The following COL4A6 variants were observed in gnomAD, a reference collection of about 807,000 sequenced individuals.
COL4A6 encodes collagen alpha-6(IV) chain.
A neutral mutation model predicts 126.7 loss-of-function variants in COL4A6; 59 were observed. The observed-to-expected ratio is 0.47, with a 90% CI of 0.38 to 0.58. The LOEUF (loss-of-function observed/expected upper bound fraction) is 0.58. COL4A6 is among the 20% of genes least tolerant of loss of function. The pLI is 0.00. For synonymous variants in COL4A6, 547 were observed against 496.6 expected (o/e 1.10, Z -1.35); for missense variants, 1,285 against 1,337.3 (o/e 0.96, Z 0.61).
In COL4A6 at chrX:108,199,000, T is replaced by C. The variant is rs147344603; in HGVS notation, c.835-2421A>G. On this transcript the variant is annotated intron_variant, in intron 13 of 44. Transcript: ENST00000334504. ...GACCTCCATGGAAGGACCTGTGGCC[T>C]ACAAGTGTGAGTGTGTTGCTGGAGA... Among the ~76,000 whole-genome samples, 411 of 111,343 alleles carry C rather than the reference T, an allele frequency of 3.7e-3. 2 individuals are homozygous for C. The highest frequency in any genetic ancestry group is 0.013 in the African/African-American group (395 of 30,579).
At position 108,438,249 on chromosome X, in the gene COL4A6, G is replaced by A. The variant is rs2064310167; in HGVS notation, c.-53C>T. ...CGGGAGACTGCTAAGCGGCTCCGCG[G>A]CCCGTGCTCATCTGGGCTCTGCTGA... On this transcript the variant is annotated 5_prime_UTR_variant, in exon 1 of 45. Coordinates refer to ENST00000334504, the MANE Select transcript of COL4A6 (RefSeq NM_033641.4). 1 of 1,161,100 alleles carries A rather than the reference G, an allele frequency of 8.6e-7. No individual in the cohort carries two copies. The highest frequency in any genetic ancestry group is 3.0e-5 in the East Asian group (1 of 33,439).
intron 2 of COL4A6, among the ~76,000 whole-genome samples, chrX:108,334,990 T>TA (rs2039396559): frequency 8.9e-6 from 1 of 112,225 alleles, no homozygotes; most frequent in Non-Finnish European, 1.9e-5. Context: ...TAGAAAAATG[T>TA]AACTACCAAC....
chrX:108,175,393 C>T (rs55891745), intron 29 of COL4A6, among the ~76,000 whole-genome samples, 178 bp from the exon 30 acceptor site: 61 of 111,549 alleles, frequency 5.5e-4, no homozygotes, highest in Admixed American at 8.6e-4. Flanking sequence ...TCTACAAATC[C>T]CAAGTCTATC....
chrX:108,335,730 T>C (rs1043758554), intron 2 of COL4A6, among the ~76,000 whole-genome samples: 1 of 111,133 alleles, frequency 9.0e-6, no homozygotes, highest in Non-Finnish European at 1.9e-5. Context: ...TCCAGAGCTC[T>C]ACAAGGTGGG....
chrX:108,251,124 CG>C (rs1200729798), intron 3 of COL4A6, among the ~76,000 whole-genome samples: 1 of 111,237 alleles, frequency 9.0e-6, no homozygotes, highest in African/African-American at 3.3e-5. Flanking sequence ...ATTCCACATG[CG>C]GACTGAGGCA....
intron 2 of COL4A6, among the ~76,000 whole-genome samples, chrX:108,311,490 C>A (rs2038758236): frequency 9.0e-6 from 1 of 111,044 alleles, no homozygotes; most frequent in Admixed American, 9.6e-5. Context: ...TGCTGATCCT[C>A]ACCAACCTCA....
At chrX:108,388,261 C>T (rs908382242) in intron 2 of COL4A6, among the ~76,000 whole-genome samples, 2 of 111,972 alleles carry the variant, frequency 1.8e-5, no homozygotes, top group African/African-American at 3.2e-5. Flanking sequence ...CCCTCTTTTT[C>T]TATTCTTTGG....
Position 108,164,638 on chromosome X carries a change from G to A in COL4A6, c.4031C>T (p.Pro1344Leu). The A allele has an allele frequency of 1.7e-6, 2 of 1,211,644 alleles. No homozygotes were observed. The highest frequency in any genetic ancestry group is 4.3e-5 in the Admixed American group (2 of 46,054). Residue 1344 changes from proline (P) to leucine (L), a missense_variant, in exon 40 of 45, where the codon CCA (proline) becomes CTA (leucine). Physicochemically the swap from Pro to Leu is moderately conservative, Grantham distance 98 (BLOSUM62 -3). Transcript: ENST00000334504. The stretch of plus-strand genomic sequence containing the variant: ...CTTCCCCTTCATTCCGGGAAATCCT[G>A]GGTCTCCAGGTGGCCCAACCTTGCC... ...TPGKVGPPGD[P>L]GFPGMKGKAG... is the part of the protein sequence containing the mutation.
At chrX:108,353,456 T>C (rs1362793932) in intron 2 of COL4A6, among the ~76,000 whole-genome samples, 1 of 112,221 alleles carries the variant, frequency 8.9e-6, no homozygotes, top group Non-Finnish European at 1.9e-5. Context: ...AGGCTTTGTA[T>C]TAAGCCTCAG....
intron 3 of COL4A6, among the ~76,000 whole-genome samples, chrX:108,277,632 G>A (rs752470179): frequency 2.7e-5 from 3 of 112,125 alleles, no homozygotes; most frequent in African/African-American, 9.7e-5. Flanking sequence ...GCTTTGAAGA[G>A]AGCAGTGGTT....
rs111391001 is a variant in COL4A6 at position 108,204,691 on chromosome X, T to C, written c.688-279A>G. 6.1e-4 allele frequency: 229 copies of C among 377,548 alleles called. 3 individuals carry two copies. The highest frequency in any genetic ancestry group is 4.2e-3 in the African/African-American group (166 of 39,070). The allele number at this position is 377,548 out of a possible 1,213,427, so 31.1% of individuals were successfully genotyped here. A position where few individuals can be genotyped will look rare whatever the true frequency, so the allele number is the denominator to read the frequency against. On this transcript the variant is annotated intron_variant, in intron 11 of 44. Coordinates refer to ENST00000334504, the MANE Select transcript of COL4A6 (RefSeq NM_033641.4). ...GCTATGAAAGGATGTTTAGAAGAGA[T>C]TAAAAAAGGAATCAGAACGAGGTGA...
chrX:108,212,670 T>C (rs1233702743), intron 6 of COL4A6, among the ~76,000 whole-genome samples: 1 of 111,048 alleles, frequency 9.0e-6, no homozygotes, highest in Non-Finnish European at 1.9e-5. Flanking sequence ...TCACTTTTTT[T>C]CCTAACACTG....
chrX:108,321,099 G>A (rs563113852), intron 2 of COL4A6, among the ~76,000 whole-genome samples: 1 of 111,861 alleles, frequency 8.9e-6, no homozygotes, highest in South Asian at 3.7e-4. Context: ...TCTTTGTCAA[G>A]TGCTTGGTAT....
chrX:108,327,804 T>C lies in COL4A6; in HGVS notation c.64-16976A>G, dbSNP rs148192439. Among the ~76,000 whole-genome samples, 5 of 110,375 alleles carry C rather than the reference T, an allele frequency of 4.5e-5. No homozygotes were observed. In the East Asian group the frequency reaches 1.4e-3, roughly 32 times the overall value. ...CAATTTAAATATGTTCAGTTTACTA[T>C]AAGTCAGTTATATCTCAGTAACACT... On this transcript the variant is annotated intron_variant, in intron 2 of 44. Coordinates refer to ENST00000334504, the MANE Select transcript of COL4A6 (RefSeq NM_033641.4).
chrX:108,359,169 G>A (rs907302534), intron 2 of COL4A6, among the ~76,000 whole-genome samples: 2 of 111,840 alleles, frequency 1.8e-5, no homozygotes, highest in Non-Finnish European at 3.8e-5. Flanking sequence ...TCTCCACCTC[G>A]TAAAAAATGT....
At position 108,437,969 on chromosome X, in the gene COL4A6, C is replaced by T. The variant is rs1332131240; in HGVS notation, c.36G>A (p.Leu12=). The T allele has an allele frequency of 9.1e-6, 11 of 1,208,731 alleles. No individual in the cohort carries two copies. The highest frequency in any genetic ancestry group is 1.1e-5 in the Non-Finnish European group (10 of 894,843). ...CTGCTGCCAGTTCCTCGGTCAGGCA[C>T]AACGTAACCAGGAGCAGCCACAACC... ...HPGLWLLLVT[L]CLTEELAAAG... is the part of the protein sequence containing the mutation. The change falls in exon 2 of 45, where the codon TTG becomes TTA. Residue 12 remains leucine, a synonymous_variant. Transcript: ENST00000334504.
chrX:108,416,647 T>C (rs1202231675), intron 2 of COL4A6, among the ~76,000 whole-genome samples: 1 of 111,971 alleles, frequency 8.9e-6, no homozygotes, highest in African/African-American at 3.2e-5. Flanking sequence ...AAGATTTAGA[T>C]AGAAATTACA....
chrX:108,358,792 A>G (rs1569441836), intron 2 of COL4A6, among the ~76,000 whole-genome samples: 1 of 112,192 alleles, frequency 8.9e-6, no homozygotes, highest in Non-Finnish European at 1.9e-5. Context: ...AATAAAGCAA[A>G]GGCTTTCTTC....
chrX:108,268,991 G>A, intron 3 of COL4A6: 1 of 304,057 alleles, frequency 3.3e-6, no homozygotes, highest in South Asian at 3.0e-5. Context: ...CAAGTAATCT[G>A]TCTTCCAGTC....
Sources: allele counts gnomAD v4.1 joint callset (sites outside exome capture counted in the v4.1 genomes callset), GRCh38; gene constraint gnomAD v4.1.1; transcripts MANE v1.5; gene names NCBI Gene and HGNC (gene_info 2026-07-23, HGNC 2026-07-21).